ACTR3: variants seen among roughly 807,000 people sequenced by gnomAD.
ACTR3 encodes actin-related protein 3.
Under a neutral mutation model 56.8 loss-of-function variants are expected in ACTR3, and 12 were observed. The ratio of observed to expected loss-of-function variants is 0.21; its 90% CI spans 0.14 to 0.34. The LOEUF is 0.34. Ranked by LOEUF, ACTR3 falls within the 10% of genes least tolerant of loss-of-function variation. The pLI, the probability that ACTR3 is intolerant of heterozygous loss-of-function variation, is 1.00. For synonymous variants in ACTR3, 162 were observed against 167.4 expected (o/e 0.97, Z 0.25); for missense variants, 282 against 512.5 (o/e 0.55, Z 4.34).
At chr2:113,890,643 T>G (rs1678871582) in intron 1 of ACTR3, 1 of 1,253,244 alleles carries the variant, frequency 8.0e-7, no homozygotes, top group Non-Finnish European at 1.0e-6. Flanking sequence ...GACGGTCGTC[T>G]TGGGGGTGGT....
intron 1 of ACTR3, among the ~76,000 whole-genome samples, chr2:113,903,352 T>G (rs1232423218): frequency 3.9e-5 from 6 of 152,168 alleles, no homozygotes; most frequent in Non-Finnish European, 8.8e-5. Context: ...GGGAAAATTT[T>G]TAGCTACTAT....
chr2:113,895,151 T>G (rs144941988), intron 1 of ACTR3, among the ~76,000 whole-genome samples: 1 of 147,394 alleles, frequency 6.8e-6, no homozygotes, highest in Non-Finnish European at 1.5e-5. Context: ...AATTACTCTC[T>G]AGGTTGTGTT....
Position 113,912,525 on chromosome 2 carries a change from A to C in ACTR3, c.45-647A>C, listed in dbSNP as rs559516722. ...TTATTTTTGAATAGTAATTAATTTG[A>C]ATGGTATGAAACAATGTACAATGAA... is the stretch of plus-strand genomic sequence containing the variant. On this transcript the variant is annotated intron_variant, in intron 1 of 11. Coordinates refer to ENST00000263238, the MANE Select transcript of ACTR3 (RefSeq NM_005721.5). Among the ~76,000 whole-genome samples the C allele has an allele frequency of 3.3e-5, 5 of 152,340 alleles. No individual in the cohort carries two copies. In the South Asian group the frequency reaches 8.3e-4, roughly 25 times the overall value.
rs748746271 is a variant in ACTR3 at position 113,934,395 on chromosome 2, A to G, written c.540+9A>G. ...CTCATGTCATTCCTGTGGTAAGGCTATTTTACAGTTACTGAACAGAACATG... is the reference window on the plus strand; with the variant it reads ...CTCATGTCATTCCTGTGGTAAGGCTGTTTTACAGTTACTGAACAGAACATG... On this transcript the variant is annotated intron_variant, in intron 6 of 11. Transcript: ENST00000263238. 4 of 1,509,824 alleles carry G rather than the reference A, an allele frequency of 2.6e-6. No homozygotes were observed. The highest frequency in any genetic ancestry group is 1.4e-5 in the African/African-American group (1 of 71,308). 93.5% of individuals were successfully genotyped at this position (1,509,824 alleles called of 1,614,324 possible). A position where few individuals can be genotyped will look rare whatever the true frequency, so the allele number is the denominator to read the frequency against.
intron 10 of ACTR3, chr2:113,953,002 G>A (rs998265985): frequency 2.6e-5 from 4 of 152,150 alleles, no homozygotes; most frequent in African/African-American, 9.7e-5. Context: ...TTGATTATGT[G>A]AATGAACATA....
intron 3 of ACTR3, among the ~76,000 whole-genome samples, chr2:113,921,827 CAG>C (rs1395178244): frequency 4.6e-5 from 7 of 152,084 alleles, no homozygotes; most frequent in Admixed American, 3.9e-4. Flanking sequence ...GAGCTGGAGA[CAG>C]AGATTCAGAA....
At chr2:113,898,981 A>G (rs1679054785) in intron 1 of ACTR3, among the ~76,000 whole-genome samples, 1 of 152,166 alleles carries the variant, frequency 6.6e-6, no homozygotes, top group Non-Finnish European at 1.5e-5. Flanking sequence ...TAATTGAGAT[A>G]CATCCAAGGA....
rs751602223 is a variant in ACTR3, at chr2:113,955,638, G to A, written c.1093G>A (p.Val365Ile). The change falls in exon 11 of 12, where the codon GTA (valine) becomes ATA (isoleucine). Residue 365 changes from valine to isoleucine, a missense_variant. Physicochemically the swap from Val to Ile is conservative, Grantham distance 29 (BLOSUM62 3). Coordinates refer to ENST00000263238, the MANE Select transcript of ACTR3 (RefSeq NM_005721.5). ...CTTTCTTTAGCCAAAACCTATTGAT[G>A]TACAAGTCATTACACACCACATGCA... The part of the protein sequence containing the change: ...GGRLKPKPID[V>I]QVITHHMQRY... 1.2e-6 allele frequency: 2 copies of A among 1,612,566 alleles called. No homozygotes were observed. The highest frequency in any genetic ancestry group is 1.7e-5 in the Admixed American group (1 of 59,964).
intron 6 of ACTR3, among the ~76,000 whole-genome samples, chr2:113,939,584 G>GAT (rs2104617280): frequency 1.3e-5 from 2 of 152,330 alleles, no homozygotes; most frequent in Non-Finnish European, 2.9e-5. Context: ...TTAGGAAAAT[G>GAT]ATAAGCACTT....
At chr2:113,906,647 G>A (rs1353121190) in intron 1 of ACTR3, among the ~76,000 whole-genome samples, 1 of 151,912 alleles carries the variant, frequency 6.6e-6, no homozygotes, top group Non-Finnish European at 1.5e-5. Flanking sequence ...TTTTGTGTAT[G>A]GTGTAAGGTA....
chr2:113,900,411 C>G (rs1353599491), intron 1 of ACTR3, among the ~76,000 whole-genome samples: 1 of 152,146 alleles, frequency 6.6e-6, no homozygotes, highest in Non-Finnish European at 1.5e-5. Flanking sequence ...TGATTTCTTT[C>G]ATGGGGCAAG....
intron 11 of ACTR3, among the ~76,000 whole-genome samples, chr2:113,956,021 T>C (rs1308746409): frequency 2.0e-5 from 3 of 151,984 alleles, no homozygotes; most frequent in African/African-American, 7.2e-5. Context: ...AAGTGTTGGG[T>C]TTACAGGTGT....
intron 1 of ACTR3, among the ~76,000 whole-genome samples, chr2:113,896,326 C>A (rs1679007293): frequency 6.6e-6 from 1 of 151,954 alleles, no homozygotes; most frequent in Non-Finnish European, 1.5e-5. Flanking sequence ...TGCTTATTTT[C>A]TTATCTCCTG....
chr2:113,961,093 A>C lies in ACTR3; in HGVS notation c.*3638A>C, dbSNP rs1368377877. 1.3e-5 allele frequency: 2 copies of C among 151,984 alleles called. No homozygotes were observed. The highest frequency in any genetic ancestry group is 2.9e-5 in the Non-Finnish European group (2 of 67,904). 9.4% of individuals were successfully genotyped at this position (151,984 alleles called of 1,614,324 possible). On this transcript the variant is annotated 3_prime_UTR_variant, in exon 12 of 12. Coordinates refer to ENST00000263238, the MANE Select transcript of ACTR3 (RefSeq NM_005721.5). ...GGATGGCTTTTGGACTTCAGTGAAA[A>C]AGAATTTCTGCTACTCATTGTTGAT... is the stretch of plus-strand genomic sequence containing the variant.
At position 113,958,469 on chromosome 2, in the gene ACTR3, C is replaced by T. The variant is rs1414038678; in HGVS notation, c.*1014C>T. 2 of 152,414 alleles carry T rather than the reference C, an allele frequency of 1.3e-5. No individual in the cohort carries two copies. The highest frequency in any genetic ancestry group is 2.9e-5 in the Non-Finnish European group (2 of 67,940). The allele number at this position is 152,414 out of a possible 1,614,324, so 9.4% of individuals were successfully genotyped here. ...TATTTTCATTTGTATAACTCATTTG[C>T]AGTCTGAAAATTTTTTTTAGTGCCA... On this transcript the variant is annotated 3_prime_UTR_variant, in exon 12 of 12. Transcript: ENST00000263238.
chr2:113,921,399 G>A (rs1679507289), intron 3 of ACTR3, among the ~76,000 whole-genome samples: 1 of 150,678 alleles, frequency 6.6e-6, no homozygotes, highest in African/African-American at 2.4e-5. Context: ...TACAGTTTGC[G>A]GGCATTTTGA....
chr2:113,957,293 T>TTG, intron 11 of ACTR3, 67 bp from the exon 12 acceptor site: 2 of 1,162,596 alleles, frequency 1.7e-6, no homozygotes, highest in Non-Finnish European at 2.6e-6. Flanking sequence ...TCTTAAAGTT[T>TTG]ATTTCAATAT....
In ACTR3 at chr2:113,930,028, T is replaced by C. The variant is rs149115398; in HGVS notation, c.337-1273T>C. Among the ~76,000 whole-genome samples, 271 of 152,324 alleles carry C rather than the reference T, an allele frequency of 1.8e-3. 1 individual carries two copies. Among genetic ancestry groups the C allele is most frequent in the African/African-American group, 6.2e-3 (258 of 41,576 alleles). ...CGTTCTGGTGGGTGTGTACGATTTT[T>C]CATTTGCTTTTAATTTTAATTTTCA... On this transcript the variant is annotated intron_variant, in intron 4 of 11. Coordinates refer to ENST00000263238, the MANE Select transcript of ACTR3 (RefSeq NM_005721.5).
chr2:113,907,978 A>C (rs1024802254), intron 1 of ACTR3, among the ~76,000 whole-genome samples: 206 of 115,850 alleles, frequency 1.8e-3, no homozygotes, highest in Admixed American at 3.0e-3. Flanking sequence ...CTGTCCCCCA[A>C]AAAAAAAAAA....
Sources: gnomAD v4.1 joint callset for allele counts (sites outside exome capture counted in the v4.1 genomes callset) on GRCh38, gnomAD v4.1.1 for gene constraint, MANE v1.5 for transcripts, NCBI Gene and HGNC (gene_info 2026-07-23, HGNC 2026-07-21) for gene names.